Variants in CELF2 observed in about 807,000 individuals in gnomAD.
CELF2 encodes the protein CUG triplet repeat RNA-binding protein 2.
CELF2 carries 8 observed loss-of-function variants against 62.6 expected under a neutral mutation model. The ratio of observed to expected loss-of-function variants is 0.13; its 90% CI spans 0.07 to 0.23. The LOEUF (loss-of-function observed/expected upper bound fraction) is 0.23. Ranked by LOEUF, CELF2 falls within the 10% of genes least tolerant of loss-of-function variation. The pLI is 1.00. For missense variants in CELF2, 333 were observed against 671.0 expected (o/e 0.50, Z 5.56); for synonymous variants, 258 against 250.0 (o/e 1.03, Z -0.30).
At chr10:11,161,639 G>GTAGC (rs2065757223) in intron 1 of CELF2, among the ~76,000 whole-genome samples, 1 of 152,236 alleles carries the variant, frequency 6.6e-6, no homozygotes, top group South Asian at 2.1e-4. Context: ...CTGGCAAAGA[G>GTAGC]TAGCTCCTCA....
the CELF2 span, among the ~76,000 whole-genome samples, chr10:10,569,402 A>G: frequency 1.3e-5 from 2 of 152,300 alleles, no homozygotes; most frequent in South Asian, 2.1e-4. Context: ...CTACCACGAG[A>G]AAAGTATGGA....
chr10:10,696,920 G>C, the CELF2 span, among the ~76,000 whole-genome samples: 2 of 152,192 alleles, frequency 1.3e-5, no homozygotes, highest in Non-Finnish European at 2.9e-5. Flanking sequence ...ACCTCAGATG[G>C]AAATGCAGAA....
At chr10:11,291,041 G>A (rs1488446733) in intron 9 of CELF2, among the ~76,000 whole-genome samples, 2 of 152,108 alleles carry the variant, frequency 1.3e-5, no homozygotes, top group Non-Finnish European at 2.9e-5. Context: ...GATAAAAGGG[G>A]TTGAAAGCCA....
chr10:10,531,389 A>G, the CELF2 span, among the ~76,000 whole-genome samples: 3 of 152,196 alleles, frequency 2.0e-5, no homozygotes, highest in Admixed American at 2.0e-4. Flanking sequence ...TAACTTGACC[A>G]AGGTCTTGTA....
At chr10:10,572,507 C>A in the CELF2 span, among the ~76,000 whole-genome samples, 4 of 152,008 alleles carry the variant, frequency 2.6e-5, no homozygotes, top group Non-Finnish European at 4.4e-5. Context: ...CTCCCTCCCC[C>A]ACCCCACCTC....
chr10:10,664,885 A>G, the CELF2 span, among the ~76,000 whole-genome samples: 9 of 152,356 alleles, frequency 5.9e-5, no homozygotes, highest in Admixed American at 5.2e-4. Flanking sequence ...GCAAAGAGGT[A>G]TTCACATTTA....
chr10:10,691,692 A>C, the CELF2 span, among the ~76,000 whole-genome samples: 124,344 of 142,914 alleles, frequency 0.87, 54,162 homozygotes, highest in Admixed American at 0.91. Flanking sequence ...TTTTAATGAT[A>C]GCCATTCTAA....
At chr10:11,021,326 T>C (rs115532680) in intron 1 of CELF2, among the ~76,000 whole-genome samples, 94 of 152,330 alleles carry the variant, frequency 6.2e-4, no homozygotes, top group African/African-American at 2.2e-3. Flanking sequence ...AGAAAAGTTA[T>C]GTTGACTGTA....
rs963495576 is a variant in CELF2 at position 11,334,739 on chromosome 10, G to A, written c.*5686G>A. On this transcript the variant is annotated 3_prime_UTR_variant, in exon 13 of 13. Transcript: ENST00000633077. ...CTTAACATACATTCCAAACTGCTGC[G>A]GGGTTTCCTCTCCACACCCACGAGG... The A allele has an allele frequency of 1.3e-5, 2 of 152,068 alleles. No individual in the cohort carries two copies. Among genetic ancestry groups the A allele is most frequent in the African/African-American group, 2.4e-5 (1 of 41,390 alleles). The allele number at this position is 152,068 out of a possible 1,614,324, so 9.4% of individuals were successfully genotyped here.
chr10:10,758,915 A>G, the CELF2 span, among the ~76,000 whole-genome samples: 4 of 152,182 alleles, frequency 2.6e-5, no homozygotes, highest in South Asian at 2.1e-4. Context: ...TTCTAACTTC[A>G]TTTGTCTTTT....
upstream of CELF2, among the ~76,000 whole-genome samples, chr10:11,004,349 C>A (rs894373328): frequency 1.3e-5 from 2 of 151,970 alleles, no homozygotes; most frequent in African/African-American, 4.8e-5. The surrounding 1 kb of genome is among the most constrained non-coding windows in gnomAD (Gnocchi z 5.0). Flanking sequence ...TGGAATAGTG[C>A]CTTAGCTTGC....
At chr10:10,940,923 A>G (rs933053598) in intron 2 of CELF2, among the ~76,000 whole-genome samples, 3 of 152,184 alleles carry the variant, frequency 2.0e-5, no homozygotes, top group African/African-American at 7.2e-5. Context: ...ACCCTGTAGT[A>G]CTAATGTAAA....
At chr10:10,925,829 T>C (rs2065407637) in intron 2 of CELF2, among the ~76,000 whole-genome samples, 1 of 152,100 alleles carries the variant, frequency 6.6e-6, no homozygotes, top group Non-Finnish European at 1.5e-5. Flanking sequence ...CTGGTTTCCA[T>C]ACCTTTCACA....
At chr10:10,709,400 G>A in the CELF2 span, among the ~76,000 whole-genome samples, 24 of 152,126 alleles carry the variant, frequency 1.6e-4, no homozygotes, top group African/African-American at 5.3e-4. Flanking sequence ...AATTGTTTTT[G>A]TTGTTATTTT....
At chr10:10,681,329 C>A in the CELF2 span, among the ~76,000 whole-genome samples, 2 of 152,124 alleles carry the variant, frequency 1.3e-5, no homozygotes, top group Non-Finnish European at 2.9e-5. Flanking sequence ...TTGTTAGGGT[C>A]TCATCACATT....
intron 1 of CELF2, among the ~76,000 whole-genome samples, chr10:11,076,725 A>C (rs144860658): frequency 2.2e-3 from 338 of 152,312 alleles, no homozygotes; most frequent in Non-Finnish European, 3.9e-3. Context: ...ATAGTCAAAG[A>C]AGCATTGAGT....
intron 2 of CELF2, among the ~76,000 whole-genome samples, chr10:11,209,181 TA>T (rs1221368286): frequency 6.6e-6 from 1 of 152,112 alleles, no homozygotes; most frequent in African/African-American, 2.4e-5. Context: ...GCCACGATAA[TA>T]AAATTACAGG....
chr10:10,967,747 A>T (rs1465986595), intron 2 of CELF2, among the ~76,000 whole-genome samples: 2 of 152,196 alleles, frequency 1.3e-5, no homozygotes, highest in Admixed American at 6.5e-5. Flanking sequence ...GGGAGCAAAT[A>T]CACTGATGGA....
intron 2 of CELF2, among the ~76,000 whole-genome samples, chr10:11,172,283 A>T (rs909406614): frequency 2.0e-5 from 3 of 152,212 alleles, no homozygotes; most frequent in African/African-American, 7.2e-5. Context: ...CTGACCGACG[A>T]CCTATGGGAC....
Sources: gnomAD v4.1 joint callset for allele counts (sites outside exome capture counted in the v4.1 genomes callset) on GRCh38, gnomAD v4.1.1 for gene constraint, Gnocchi (gnomAD v3.1) non-coding constraint, MANE v1.5 for transcripts, NCBI Gene and HGNC (gene_info 2026-07-23, HGNC 2026-07-21) for gene names.